Variants in MSRA observed in about 807,000 individuals in gnomAD.
The protein encoded by MSRA is mitochondrial peptide methionine sulfoxide reductase.
Under a neutral mutation model 31.3 loss-of-function variants are expected in MSRA, and 54 were observed. The ratio of observed to expected loss-of-function variants is 1.73; its 90% confidence interval spans 1.39 to 2.17. The LOEUF (loss-of-function observed/expected upper bound fraction) is 2.17. Among genes scored for constraint, MSRA ranks in the 30% most tolerant of loss-of-function variants. The pLI is 0.00. For missense variants in MSRA, 507 were observed against 300.9 expected (o/e 1.69, Z -5.07); for synonymous variants, 169 against 116.5 (o/e 1.45, Z -2.90).
chr8:10,265,594 C>T (rs577680936), intron 3 of MSRA, among the ~76,000 whole-genome samples: 1 of 152,284 alleles, frequency 6.6e-6, no homozygotes, highest in African/African-American at 2.4e-5. Flanking sequence ...CTTTTAGAAA[C>T]AGTTGAATTG....
chr8:10,349,608 G>C, intron 5 of MSRA, among the ~76,000 whole-genome samples: 1 of 152,244 alleles, frequency 6.6e-6, no homozygotes. Flanking sequence ...CCTGGCTCAT[G>C]CCTCAATGAT....
At chr8:10,363,785 G>A (rs1298319651) in intron 5 of MSRA, among the ~76,000 whole-genome samples, 2 of 25,308 alleles carry the variant, frequency 7.9e-5, no homozygotes, top group East Asian at 0.011. Flanking sequence ...CACACTAGCT[G>A]GTTGTTGTGG....
intron 1 of MSRA, among the ~76,000 whole-genome samples, chr8:10,090,352 G>C (rs1359814292): frequency 1.3e-5 from 2 of 152,140 alleles, no homozygotes; most frequent in African/African-American, 4.8e-5. Context: ...GAACCAAGAA[G>C]TCAAAACAGT....
intron 1 of MSRA, among the ~76,000 whole-genome samples, chr8:10,151,518 C>A (rs1187220875): frequency 1.3e-5 from 2 of 152,064 alleles, no homozygotes; most frequent in African/African-American, 4.8e-5. Flanking sequence ...GGCGTGTTGG[C>A]AGGTGCCTGT....
chr8:10,178,259 C>G (rs377760903), intron 1 of MSRA, among the ~76,000 whole-genome samples: 1 of 152,076 alleles, frequency 6.6e-6, no homozygotes, highest in Admixed American at 6.6e-5. Flanking sequence ...TTACCATACT[C>G]TGACAGTAAA....
rs568449017 is a variant in MSRA, at chr8:10,414,188, T to G, written c.544-13960T>G. 1.6e-4 allele frequency among the ~76,000 whole-genome samples: 25 copies of G among 152,112 alleles called. No individual in the cohort carries two copies. The South Asian group carries it at 5.0e-3, about 30-fold the overall frequency. On this transcript the variant is annotated intron_variant, in intron 5 of 5. Transcript: ENST00000317173. ...TCTATGAAGAAAAAAAAAACGAATT[T>G]TATGTGAACTACCTCTCAATATAAA...
At position 10,352,462 on chromosome 8, in the gene MSRA, A is replaced by G. The variant is rs186255394; in HGVS notation, c.543+32473A>G. Among the ~76,000 whole-genome samples, 4 of 152,250 alleles carry G rather than the reference A, an allele frequency of 2.6e-5. No individual in the cohort carries two copies. The East Asian group carries it at 7.7e-4, about 29-fold the overall frequency. On this transcript the variant is annotated intron_variant, in intron 5 of 5. Coordinates refer to ENST00000317173, the MANE Select transcript of MSRA (RefSeq NM_012331.5). ...TTGAAGAGGAGGCAGGGAGGGCAGA[A>G]TGAAGCCATCGTCCCTGTGCAGCAT...
intron 1 of MSRA, among the ~76,000 whole-genome samples, chr8:10,077,180 C>G (rs1798034661): frequency 6.6e-6 from 1 of 152,166 alleles, no homozygotes; most frequent in Admixed American, 6.5e-5. Flanking sequence ...TCGGCCACAG[C>G]CATTGCATTT....
chr8:10,376,046 A>C (rs1030863051), intron 5 of MSRA, among the ~76,000 whole-genome samples: 5 of 152,050 alleles, frequency 3.3e-5, no homozygotes, highest in African/African-American at 1.2e-4. Context: ...GGGCCTGGGG[A>C]AGATTGCGTC....
chr8:10,242,153 C>G (rs1225922946), intron 2 of MSRA, among the ~76,000 whole-genome samples: 1 of 151,968 alleles, frequency 6.6e-6, no homozygotes, highest in Non-Finnish European at 1.5e-5. Flanking sequence ...CGCTTGTAAT[C>G]TCAGCTACTA....
At chr8:10,163,855 C>T (rs1166193355) in intron 1 of MSRA, among the ~76,000 whole-genome samples, 1 of 152,196 alleles carries the variant, frequency 6.6e-6, no homozygotes, top group African/African-American at 2.4e-5. Context: ...CAGTGTGGCC[C>T]CTCCGCCCTT....
chr8:10,174,719 C>T (rs887483991), intron 1 of MSRA, among the ~76,000 whole-genome samples: 5 of 152,198 alleles, frequency 3.3e-5, no homozygotes, highest in East Asian at 1.9e-4. Context: ...GACGTGTCTA[C>T]TGCTATCTCT....
intron 1 of MSRA, among the ~76,000 whole-genome samples, chr8:10,140,063 A>C (rs1802581304): frequency 6.6e-6 from 1 of 152,188 alleles, no homozygotes; most frequent in African/African-American, 2.4e-5. Context: ...GAGCGAGGGA[A>C]ACAGGGAAAC....
At chr8:10,358,846 C>T (rs1177706400) in intron 5 of MSRA, among the ~76,000 whole-genome samples, 2 of 149,010 alleles carry the variant, frequency 1.3e-5, no homozygotes, top group Non-Finnish European at 2.9e-5. Context: ...CCCGCCTCGG[C>T]CTCCCAAAGT....
intron 1 of MSRA, among the ~76,000 whole-genome samples, chr8:10,134,654 G>T (rs568926738): frequency 2.6e-5 from 4 of 152,212 alleles, no homozygotes; most frequent in Non-Finnish European, 5.9e-5. Flanking sequence ...TGCACGCCTC[G>T]TATCAGAACT....
intron 1 of MSRA, among the ~76,000 whole-genome samples, chr8:10,055,204 C>T (rs1428678087): frequency 6.6e-6 from 1 of 152,140 alleles, no homozygotes; most frequent in African/African-American, 2.4e-5. Context: ...TGCCCTAGGT[C>T]GGCCCCGCTG....
At chr8:10,223,066 C>T (rs1403670815) in intron 2 of MSRA, among the ~76,000 whole-genome samples, 1 of 152,168 alleles carries the variant, frequency 6.6e-6, no homozygotes, top group Non-Finnish European at 1.5e-5. Flanking sequence ...TCACGTTTTA[C>T]ACCATAAAAT....
chr8:10,227,678 T>G (rs759541631), intron 2 of MSRA, among the ~76,000 whole-genome samples: 2 of 152,192 alleles, frequency 1.3e-5, no homozygotes, highest in Non-Finnish European at 2.9e-5. Flanking sequence ...GAGCACATTT[T>G]AAATTAGGGA....
At chr8:10,082,488 C>A (rs912409399) in intron 1 of MSRA, among the ~76,000 whole-genome samples, 1 of 152,150 alleles carries the variant, frequency 6.6e-6, no homozygotes, top group African/African-American at 2.4e-5. Flanking sequence ...CATCTTTTCT[C>A]CCACAAAACA....
Sources: gnomAD v4.1 joint callset for allele counts (sites outside exome capture counted in the v4.1 genomes callset) on GRCh38, gnomAD v4.1.1 for gene constraint, MANE v1.5 for transcripts, NCBI Gene and HGNC (gene_info 2026-07-23, HGNC 2026-07-21) for gene names.